The following SOX6 variants were observed in gnomAD, a reference collection of about 807,000 sequenced individuals.
SOX6 encodes transcription factor SOX-6.
In SOX6, 11 loss-of-function variants were observed where a neutral mutation model predicts 97.8. The ratio of observed to expected loss-of-function variants is 0.11; its 90% CI spans 0.07 to 0.19. The LOEUF (loss-of-function observed/expected upper bound fraction) is 0.19, where lower values mean the gene tolerates loss of function less well. Ranked by LOEUF, SOX6 falls within the 10% of genes least tolerant of loss-of-function variation. SOX6 has a pLI of 1.00. For missense variants in SOX6, 810 were observed against 1,039.5 expected (o/e 0.78, Z 3.04); for synonymous variants, 360 against 371.4 (o/e 0.97, Z 0.35).
intron 11 of SOX6, among the ~76,000 whole-genome samples, chr11:16,049,201 T>C (rs1424611083): frequency 6.6e-6 from 1 of 152,100 alleles, no homozygotes; most frequent in Non-Finnish European, 1.5e-5. Flanking sequence ...TCCATACTTT[T>C]CACATAGGGC....
chr11:16,274,698 C>T (rs1034643114), intron 3 of SOX6, among the ~76,000 whole-genome samples: 2 of 151,984 alleles, frequency 1.3e-5, no homozygotes, highest in African/African-American at 4.8e-5. Flanking sequence ...ATCATGCTGC[C>T]CAAAAATGAA....
intron 4 of SOX6, among the ~76,000 whole-genome samples, chr11:16,592,401 A>G (rs563437117): frequency 6.6e-6 from 1 of 151,192 alleles, no homozygotes; most frequent in African/African-American, 2.4e-5. Flanking sequence ...ACTCCAATCA[A>G]TCAAGGAAGA....
intron 1 of SOX6, among the ~76,000 whole-genome samples, chr11:16,432,031 A>C (rs1354816687): frequency 6.6e-6 from 1 of 152,108 alleles, no homozygotes. Context: ...AAGTTCCCTT[A>C]GCAAACCAAT....
At chr11:16,577,173 T>G (rs750134247) in intron 4 of SOX6, 2 of 152,330 alleles carry the variant, frequency 1.3e-5, no homozygotes, top group Admixed American at 1.3e-4. Context: ...ATTCATAGTT[T>G]TAAAAATGGA....
intron 2 of SOX6, among the ~76,000 whole-genome samples, chr11:16,715,410 A>G: frequency 6.6e-6 from 1 of 152,194 alleles, no homozygotes; most frequent in Non-Finnish European, 1.5e-5. Flanking sequence ...GACTCAGATT[A>G]TATTTCTGTA....
chr11:16,272,048 A>T (rs1010690658), intron 3 of SOX6, among the ~76,000 whole-genome samples: 5 of 151,374 alleles, frequency 3.3e-5, no homozygotes, highest in African/African-American at 1.2e-4. Context: ...TGTTTTCTTC[A>T]TAATTATTTT....
intron 4 of SOX6, among the ~76,000 whole-genome samples, chr11:16,488,918 G>A (rs1360998508): frequency 6.6e-6 from 1 of 152,142 alleles, no homozygotes; most frequent in East Asian, 1.9e-4. Flanking sequence ...TTACAGGCAA[G>A]GAAACAGACA....
At chr11:16,053,332 T>C (rs1018033427) in intron 10 of SOX6, among the ~76,000 whole-genome samples, 4 of 152,190 alleles carry the variant, frequency 2.6e-5, no homozygotes, top group African/African-American at 7.2e-5. Context: ...AATCTGTTTT[T>C]GTTCCTTCAT....
intron 4 of SOX6, among the ~76,000 whole-genome samples, chr11:16,527,813 T>G (rs932524481): frequency 3.9e-5 from 6 of 152,100 alleles, no homozygotes; most frequent in Non-Finnish European, 8.8e-5. Flanking sequence ...ACAGCCAACC[T>G]GCAAACCCAT....
chr11:16,413,819 C>A (rs756737620), intron 1 of SOX6, among the ~76,000 whole-genome samples: 1 of 151,988 alleles, frequency 6.6e-6, no homozygotes, highest in East Asian at 1.9e-4. Flanking sequence ...CGCGCCCGGC[C>A]GAGTTCTACA....
chr11:16,128,753 C>A (rs755848409), intron 6 of SOX6, among the ~76,000 whole-genome samples: 4 of 152,154 alleles, frequency 2.6e-5, no homozygotes, highest in Non-Finnish European at 5.9e-5. Context: ...ACTTGAGGCA[C>A]ATAGGGATAG....
At chr11:16,708,739 G>A (rs1848155301) in intron 3 of SOX6, among the ~76,000 whole-genome samples, 1 of 152,138 alleles carries the variant, frequency 6.6e-6, no homozygotes, top group Non-Finnish European at 1.5e-5. Flanking sequence ...TACATGATCG[G>A]TAAATAAAGA....
intron 7 of SOX6, among the ~76,000 whole-genome samples, chr11:16,106,609 CAT>C (rs1209242704): frequency 1.3e-5 from 2 of 151,752 alleles, no homozygotes; most frequent in Non-Finnish European, 2.9e-5. Flanking sequence ...GGATCAAAGA[CAT>C]AAACTTAGAA....
At chr11:16,688,473 G>C (rs557965575) in intron 3 of SOX6, among the ~76,000 whole-genome samples, 2 of 151,798 alleles carry the variant, frequency 1.3e-5, no homozygotes, top group Non-Finnish European at 2.9e-5. Flanking sequence ...GTCATTTTTC[G>C]CTGTGTGTTT....
At chr11:16,722,745 A>T (rs1848276964) in intron 2 of SOX6, among the ~76,000 whole-genome samples, 2 of 152,230 alleles carry the variant, frequency 1.3e-5, no homozygotes, top group Admixed American at 1.3e-4. Context: ...TGTCACTATC[A>T]TTAGAGAAAT....
chr11:16,129,054 G>C (rs1328713162), intron 6 of SOX6, among the ~76,000 whole-genome samples: 4 of 142,290 alleles, frequency 2.8e-5, no homozygotes, highest in Non-Finnish European at 6.0e-5. Context: ...TTTTAGTAGA[G>C]ATGGGGTTTC....
chr11:16,645,300 T>C (rs1308969045), intron 3 of SOX6, among the ~76,000 whole-genome samples: 2 of 152,246 alleles, frequency 1.3e-5, no homozygotes, highest in Non-Finnish European at 2.9e-5. Flanking sequence ...TTACCCGTTG[T>C]TTCACCACTA....
intron 1 of SOX6, among the ~76,000 whole-genome samples, chr11:16,365,972 G>A (rs1857349086): frequency 2.0e-5 from 3 of 152,050 alleles, no homozygotes; most frequent in African/African-American, 7.2e-5. Flanking sequence ...CTTAATAGAA[G>A]AACATAACAA....
chr11:15,994,857 A>G (rs1369395590), intron 13 of SOX6, among the ~76,000 whole-genome samples: 1 of 152,208 alleles, frequency 6.6e-6, no homozygotes, highest in Non-Finnish European at 1.5e-5. Context: ...AAAATATGAA[A>G]AAAACCCATA....
Sources: allele counts gnomAD v4.1 joint callset (sites outside exome capture counted in the v4.1 genomes callset), GRCh38; gene constraint gnomAD v4.1.1; transcripts MANE v1.5; gene names NCBI Gene and HGNC (gene_info 2026-07-23, HGNC 2026-07-21).